NF1: variants seen among roughly 807,000 people sequenced by gnomAD.
NF1 encodes the protein neurofibromin.
NF1 carries 122 observed loss-of-function variants against 325.7 expected under a neutral mutation model. The observed-to-expected ratio is 0.37, with a 90% confidence interval of 0.32 to 0.44. The LOEUF is 0.44. Among genes scored for constraint, NF1 ranks in the 20% least tolerant of loss-of-function variants. NF1 has a pLI of 1.00. For synonymous variants in NF1, 1,091 were observed against 1,186.0 expected, an observed-to-expected ratio of 0.92 and a Z score of 1.65; for missense variants, 2,140 against 3,415.4, an observed-to-expected ratio of 0.63 and a Z score of 9.31.
rs1265843558 is a variant in NF1 at position 31,223,703 on chromosome 17, G to A, written c.1845+136G>A. The A allele has an allele frequency of 1.0e-5, 8 of 800,798 alleles. No homozygotes were observed. The African/African-American group carries it at 1.4e-4, about 14-fold the overall frequency. The allele number at this position is 800,798 out of a possible 1,614,324, so 49.6% of individuals were successfully genotyped here. A position where few individuals can be genotyped will look rare whatever the true frequency, so the allele number is the denominator to read the frequency against. Reference sequence around the variant, plus strand: ...TCCCAATGTTCTCAAAAGGAAATATGTATGCAGAGGACAATGACTGGCAAA... The same window carrying A: ...TCCCAATGTTCTCAAAAGGAAATATATATGCAGAGGACAATGACTGGCAAA... On this transcript the variant is annotated intron_variant, in intron 16 of 57. Transcript: ENST00000358273.
At chr17:31,297,115 A>G (rs1014859443) in intron 36 of NF1, 1 of 152,228 alleles carries the variant, frequency 6.6e-6, no homozygotes, top group Non-Finnish European at 1.5e-5. Flanking sequence ...AAGGAAAAAG[A>G]TTCCAAAGTC....
chr17:31,181,392 G>T (rs760631219), intron 5 of NF1, 30 bp from the exon 6 acceptor site: 1 of 1,593,678 alleles, frequency 6.3e-7, no homozygotes, highest in Non-Finnish European at 8.6e-7. Flanking sequence ...TTATTCTAGA[G>T]TTAATTTTTA....
chr17:31,218,125 C>T (rs1051128511), intron 13 of NF1, among the ~76,000 whole-genome samples: 7 of 152,174 alleles, frequency 4.6e-5, no homozygotes, highest in South Asian at 4.1e-4. Flanking sequence ...GTCAAGAGGG[C>T]TGTACAGGAT....
rs2070695954 is a variant in NF1, at chr17:31,374,055, A to G, written c.8420A>G (p.His2807Arg). 1.9e-6 allele frequency: 3 copies of G among 1,614,082 alleles called. No individual in the cohort carries two copies. The highest frequency in any genetic ancestry group is 2.5e-6 in the Non-Finnish European group (3 of 1,179,952). Residue 2807 changes from histidine to arginine, a missense_variant, in exon 58 of 58, where the codon CAC (histidine) becomes CGC (arginine). By Grantham distance (29) the His-to-Arg change is conservative. Around this residue, in one of 10 missense-constraint regions of NF1, gnomAD observed 522 missense variants for 749.0 expected, o/e 0.70. Transcript: ENST00000358273. ...ENVELSPTTGHCNSGRTRHGS... is the reference protein window; with the variant it reads ...ENVELSPTTGRCNSGRTRHGS... ...GTTGAACTCTCCCCTACCACTGGCC[A>G]CTGTAACAGTGGACGAACTCGCCAC...
At chr17:31,263,034 GA>G (rs1251446844) in intron 35 of NF1, among the ~76,000 whole-genome samples, 170 of 33,530 alleles carry the variant, frequency 5.1e-3, no homozygotes, top group African/African-American at 8.9e-3. Flanking sequence ...TAGATAGATA[GA>G]TAGGTAGGTA....
At chr17:31,125,564 T>C (rs1914807193) in intron 1 of NF1, among the ~76,000 whole-genome samples, 1 of 151,956 alleles carries the variant, frequency 6.6e-6, no homozygotes, top group African/African-American at 2.4e-5. Context: ...GAGATGGAGT[T>C]TCTCTCTTCT....
Position 31,374,301 on chromosome 17 carries a change from G to A in NF1, c.*146G>A. ...CATCCGGTTTGCCATGTTGCCAGATGATCAACTCTTCGAAGCCTTGCCTAA... is the reference window on the plus strand; with the variant it reads ...CATCCGGTTTGCCATGTTGCCAGATAATCAACTCTTCGAAGCCTTGCCTAA... On this transcript the variant is annotated 3_prime_UTR_variant, in exon 58 of 58. Coordinates refer to ENST00000358273, the MANE Select transcript of NF1 (RefSeq NM_001042492.3). 7.6e-6 allele frequency: 8 copies of A among 1,057,104 alleles called. No individual in the cohort carries two copies. Among genetic ancestry groups the A allele is most frequent in the Non-Finnish European group, 1.0e-5 (7 of 696,302 alleles). 65.5% of individuals were successfully genotyped at this position (1,057,104 alleles called of 1,614,324 possible). A position where few individuals can be genotyped will look rare whatever the true frequency, so the allele number is the denominator to read the frequency against.
At chr17:31,265,372 G>A (rs1183940702) in intron 36 of NF1, 33 bp downstream of exon 36, 4 of 1,506,460 alleles carry the variant, frequency 2.7e-6, no homozygotes, top group Non-Finnish European at 3.7e-6. Context: ...TCTCTTAACA[G>A]AATTTTTTAA....
At chr17:31,277,056 C>T (rs1225837678) in intron 36 of NF1, among the ~76,000 whole-genome samples, 1 of 152,080 alleles carries the variant, frequency 6.6e-6, no homozygotes, top group Non-Finnish European at 1.5e-5. Flanking sequence ...GAAATTGTTA[C>T]CCAGAAAATC....
At chr17:31,300,856 T>G (rs1315785549) in intron 36 of NF1, among the ~76,000 whole-genome samples, 1 of 152,148 alleles carries the variant, frequency 6.6e-6, no homozygotes, top group Non-Finnish European at 1.5e-5. Context: ...TAGGCAAGTA[T>G]CTCCATCTAA....
At chr17:31,343,761 G>A (rs1474021050) in intron 48 of NF1, among the ~76,000 whole-genome samples, 1 of 152,092 alleles carries the variant, frequency 6.6e-6, no homozygotes, top group Non-Finnish European at 1.5e-5. Flanking sequence ...TTCGAGACCA[G>A]CCTGGGCAAT....
intron 52 of NF1, 61 bp from the exon 53 acceptor site, chr17:31,356,899 A>C: frequency 6.2e-7 from 1 of 1,602,732 alleles, no homozygotes; most frequent in Non-Finnish European, 8.5e-7. Flanking sequence ...GTAACATTGA[A>C]ATAGTTAGGT....
intron 29 of NF1, among the ~76,000 whole-genome samples, chr17:31,248,715 G>A (rs1252812114): frequency 6.6e-6 from 1 of 151,958 alleles, no homozygotes; most frequent in East Asian, 1.9e-4. Flanking sequence ...TAGAGATGGG[G>A]TTTCACCATG....
At chr17:31,164,273 ATAATT>A (rs1399903127) in intron 4 of NF1, among the ~76,000 whole-genome samples, 2 of 152,234 alleles carry the variant, frequency 1.3e-5, no homozygotes, top group African/African-American at 2.4e-5. Context: ...TATCAAAAAT[ATAATT>A]TAAGCTTTTA....
chr17:31,262,255 A>G (rs2151467042), intron 35 of NF1, among the ~76,000 whole-genome samples: 1 of 152,326 alleles, frequency 6.6e-6, no homozygotes, highest in East Asian at 1.9e-4. Context: ...ACTACACTAT[A>G]ACATTTTTCA....
At chr17:31,111,722 C>A (rs1913431550) in intron 1 of NF1, among the ~76,000 whole-genome samples, 1 of 152,124 alleles carries the variant, frequency 6.6e-6, no homozygotes, top group African/African-American at 2.4e-5. Context: ...CAATTTATGA[C>A]CAGCAGACCT....
intron 36 of NF1, among the ~76,000 whole-genome samples, chr17:31,323,414 A>C (rs2069263755): frequency 6.6e-6 from 1 of 151,946 alleles, no homozygotes; most frequent in Non-Finnish European, 1.5e-5. Flanking sequence ...AAAAAAAGAT[A>C]AAAATTTCCA....
chr17:31,157,813 A>AC (rs1426528980), intron 2 of NF1, among the ~76,000 whole-genome samples: 1 of 151,292 alleles, frequency 6.6e-6, no homozygotes, highest in Non-Finnish European at 1.5e-5. Context: ...AAAAAAAAAA[A>AC]AACTTAGCGG....
At chr17:31,101,013 T>C (rs188846257) in intron 1 of NF1, among the ~76,000 whole-genome samples, 1 of 152,310 alleles carries the variant, frequency 6.6e-6, no homozygotes, top group East Asian at 1.9e-4. Flanking sequence ...ATTTCCTTTC[T>C]CTTGGAAATC....
Sources: allele counts gnomAD v4.1 joint callset (sites outside exome capture counted in the v4.1 genomes callset), GRCh38; gene constraint gnomAD v4.1.1; regional missense constraint gnomAD v4.1.1; transcripts MANE v1.5; gene names NCBI Gene and HGNC (gene_info 2026-07-23, HGNC 2026-07-21).